SORCS1: variants seen among roughly 807,000 people sequenced by gnomAD.
SORCS1 encodes the protein sortilin related VPS10 domain containing receptor 1, also known as VPS10 domain-containing receptor SorCS1.
SORCS1 carries 60 observed loss-of-function variants against 146.1 expected under a neutral mutation model. That is an observed-to-expected ratio of 0.41 (90% CI 0.33 to 0.51). The LOEUF (loss-of-function observed/expected upper bound fraction) is 0.51, where lower values mean the gene tolerates loss of function less well. Among genes scored for constraint, SORCS1 ranks in the 20% least tolerant of loss-of-function variants. SORCS1 has a pLI of 0.21. For synonymous variants in SORCS1, 637 were observed against 584.0 expected (o/e 1.09, Z -1.31); for missense variants, 1,352 against 1,487.6 (o/e 0.91, Z 1.50).
intron 1 of SORCS1, among the ~76,000 whole-genome samples, chr10:107,114,530 C>A (rs922746016): frequency 6.6e-6 from 1 of 152,072 alleles, no homozygotes; most frequent in Non-Finnish European, 1.5e-5. Context: ...TCAACATATG[C>A]AGAAAAAGCA....
intron 1 of SORCS1, among the ~76,000 whole-genome samples, chr10:107,106,440 C>G (rs1005726300): frequency 3.3e-5 from 5 of 152,152 alleles, no homozygotes; most frequent in African/African-American, 9.7e-5. Flanking sequence ...TCAAACCAGA[C>G]CTGACAACTA....
upstream of SORCS1, among the ~76,000 whole-genome samples, chr10:107,168,948 G>C (rs1222972373): frequency 2.0e-5 from 3 of 152,058 alleles, no homozygotes; most frequent in African/African-American, 7.2e-5. Context: ...AAGCAATTTT[G>C]GGAACAAGTG....
chr10:106,659,357 A>G (rs1850546786), intron 17 of SORCS1, among the ~76,000 whole-genome samples: 1 of 152,220 alleles, frequency 6.6e-6, no homozygotes, highest in East Asian at 1.9e-4. Flanking sequence ...GCTTGATGAA[A>G]TGGTGAACTG....
intron 7 of SORCS1, 80 bp downstream of exon 7, chr10:106,709,143 G>A: frequency 1.9e-6 from 2 of 1,045,658 alleles, no homozygotes; most frequent in Non-Finnish European, 2.9e-6. Flanking sequence ...ACTCTTAATG[G>A]AGTGTAAAGC....
chr10:106,878,620 G>GCATATATATATATATATATATATATA (rs1554871217), intron 2 of SORCS1, among the ~76,000 whole-genome samples: 7 of 84,920 alleles, frequency 8.2e-5, no homozygotes, highest in African/African-American at 2.8e-4. Context: ...AAACTACCTA[G>GCATATATATATATATATATATATATA]TATATATATA....
chr10:106,759,719 C>T (rs1035131479), intron 5 of SORCS1, among the ~76,000 whole-genome samples: 1 of 152,044 alleles, frequency 6.6e-6, no homozygotes, highest in Non-Finnish European at 1.5e-5. Context: ...ATGCTATTTC[C>T]TTTGTCCCTT....
chr10:106,574,009 C>T lies in SORCS1; in HGVS notation c.*3411G>A, dbSNP rs1156695840. Reference sequence around the variant, plus strand: ...TTAACAAAAAATACATCAAAAAAGTCATTTTAAAATTAGAAGTAGTTCCAA... The same window carrying T: ...TTAACAAAAAATACATCAAAAAAGTTATTTTAAAATTAGAAGTAGTTCCAA... On this transcript the variant is annotated 3_prime_UTR_variant, in exon 26 of 26. Transcript: ENST00000263054. The T allele has an allele frequency of 6.6e-6, 1 of 151,468 alleles. No individual in the cohort carries two copies. Among genetic ancestry groups the T allele is most frequent in the Non-Finnish European group, 1.5e-5 (1 of 67,846 alleles). 9.4% of individuals were successfully genotyped at this position (151,468 alleles called of 1,614,324 possible).
At chr10:106,678,842 TC>T (rs1336884291) in intron 12 of SORCS1, among the ~76,000 whole-genome samples, 3 of 152,160 alleles carry the variant, frequency 2.0e-5, no homozygotes, top group Admixed American at 2.0e-4. Flanking sequence ...ATATCTGCAT[TC>T]CTTCCTATTC....
At chr10:106,717,300 G>A (rs971773469) in intron 6 of SORCS1, among the ~76,000 whole-genome samples, 3 of 152,180 alleles carry the variant, frequency 2.0e-5, no homozygotes, top group African/African-American at 7.2e-5. Context: ...ACGCACACAC[G>A]TGTCAACACG....
intron 2 of SORCS1, among the ~76,000 whole-genome samples, chr10:106,871,779 A>G (rs900379394): frequency 6.6e-6 from 1 of 152,192 alleles, no homozygotes; most frequent in African/African-American, 2.4e-5. Flanking sequence ...AACAGAAGAA[A>G]CAACAATTGC....
At chr10:107,095,799 AG>A (rs111266178) in intron 1 of SORCS1, among the ~76,000 whole-genome samples, 1 of 152,078 alleles carries the variant, frequency 6.6e-6, no homozygotes, top group Non-Finnish European at 1.5e-5. Flanking sequence ...ATTAAAAAAA[AG>A]GTTACCTCCC....
intron 2 of SORCS1, among the ~76,000 whole-genome samples, chr10:106,916,827 G>T (rs984579499): frequency 6.6e-6 from 1 of 152,010 alleles, no homozygotes; most frequent in African/African-American, 2.4e-5. Flanking sequence ...TCAGCTCACT[G>T]CAACCTCCAT....
chr10:106,957,308 G>C (rs1194692782), intron 1 of SORCS1, among the ~76,000 whole-genome samples: 1 of 151,622 alleles, frequency 6.6e-6, no homozygotes, highest in African/African-American at 2.4e-5. Context: ...CGAGTAGCTG[G>C]GATTACAGTT....
intron 17 of SORCS1, among the ~76,000 whole-genome samples, chr10:106,658,305 A>G (rs955875368): frequency 4.7e-5 from 7 of 149,402 alleles, no homozygotes; most frequent in Admixed American, 2.7e-4. Flanking sequence ...GCAAACTTCT[A>G]CTCATCCTTA....
At chr10:106,835,815 G>A (rs954428473) in intron 2 of SORCS1, among the ~76,000 whole-genome samples, 4 of 151,970 alleles carry the variant, frequency 2.6e-5, no homozygotes, top group African/African-American at 9.6e-5. Context: ...AGACCAACCT[G>A]ACCAACATAT....
chr10:107,038,149 T>C (rs1181098661), intron 1 of SORCS1, among the ~76,000 whole-genome samples: 2 of 152,174 alleles, frequency 1.3e-5, no homozygotes, highest in Non-Finnish European at 2.9e-5. Flanking sequence ...TTCCTCCATG[T>C]AGTTATTTAC....
At chr10:106,791,314 C>T (rs1257896511) in intron 3 of SORCS1, among the ~76,000 whole-genome samples, 2 of 152,146 alleles carry the variant, frequency 1.3e-5, no homozygotes, top group African/African-American at 4.8e-5. Flanking sequence ...CCAATTTTCA[C>T]TAATATTATG....
At chr10:106,909,967 A>G (rs1952070651) in intron 2 of SORCS1, among the ~76,000 whole-genome samples, 1 of 152,174 alleles carries the variant, frequency 6.6e-6, no homozygotes, top group African/African-American at 2.4e-5. Context: ...TGGCAAGAAA[A>G]TGACTTTAAA....
intron 18 of SORCS1, among the ~76,000 whole-genome samples, chr10:106,642,460 A>C (rs1382486924): frequency 1.3e-5 from 2 of 152,194 alleles, no homozygotes; most frequent in African/African-American, 4.8e-5. Context: ...AATTGATATC[A>C]GAAATGGGGC....
Sources: allele counts gnomAD v4.1 joint callset (sites outside exome capture counted in the v4.1 genomes callset), GRCh38; gene constraint gnomAD v4.1.1; transcripts MANE v1.5; gene names NCBI Gene and HGNC (gene_info 2026-07-23, HGNC 2026-07-21).